Variants in CSTPP1 observed in about 807,000 individuals in gnomAD.
The protein encoded by CSTPP1 is UPF0705 protein C11orf49.
chr11:46,955,991 C>T, the CSTPP1 span, among the ~76,000 whole-genome samples: 1 of 149,092 alleles, frequency 6.7e-6, no homozygotes, highest in Admixed American at 6.6e-5. Context: ...CATCCACCCC[C>T]CCCCCCCCAC....
the CSTPP1 span, among the ~76,000 whole-genome samples, chr11:47,038,338 C>CT: frequency 4.4e-5 from 4 of 90,070 alleles, no homozygotes; most frequent in South Asian, 3.9e-4. Flanking sequence ...GCTGACCCCC[C>CT]ACCTCCCTCC....
chr11:46,965,203 C>A, the CSTPP1 span, among the ~76,000 whole-genome samples: 1 of 148,844 alleles, frequency 6.7e-6, no homozygotes, highest in African/African-American at 2.5e-5. Flanking sequence ...CAGCCTATAG[C>A]ATATTAACAC....
the CSTPP1 span, among the ~76,000 whole-genome samples, chr11:47,128,060 A>G: frequency 6.6e-6 from 1 of 152,050 alleles, no homozygotes; most frequent in African/African-American, 2.4e-5. Flanking sequence ...TATTTTTAGT[A>G]TAGACGAGGT....
the CSTPP1 span, among the ~76,000 whole-genome samples, chr11:47,004,185 TG>T: frequency 1.3e-5 from 2 of 151,188 alleles, no homozygotes; most frequent in African/African-American, 2.4e-5. Context: ...TTTTTGTTTT[TG>T]TTTTTTTTTT....
chr11:47,125,460 G>A, the CSTPP1 span, among the ~76,000 whole-genome samples: 6 of 152,122 alleles, frequency 3.9e-5, no homozygotes, highest in African/African-American at 1.4e-4. Context: ...CTCACCCTCA[G>A]TGAGTAACCC....
chr11:47,121,731 G>A, the CSTPP1 span, among the ~76,000 whole-genome samples: 1 of 152,060 alleles, frequency 6.6e-6, no homozygotes, highest in Admixed American at 6.6e-5. Flanking sequence ...CTGTTCCCAG[G>A]AGGAAACAAT....
the CSTPP1 span, among the ~76,000 whole-genome samples, chr11:47,020,233 T>C: frequency 6.6e-6 from 1 of 152,320 alleles, no homozygotes; most frequent in South Asian, 2.1e-4. Flanking sequence ...GATGGCTGCA[T>C]TTGAAATGAA....
At chr11:47,100,249 G>A in the CSTPP1 span, among the ~76,000 whole-genome samples, 1 of 152,100 alleles carries the variant, frequency 6.6e-6, no homozygotes, top group Admixed American at 6.5e-5. Flanking sequence ...TACAGCAAAG[G>A]AAGCCACTGG....
At chr11:47,117,877 C>CTTTTTTT in the CSTPP1 span, among the ~76,000 whole-genome samples, 1 of 66,366 alleles carries the variant, frequency 1.5e-5, no homozygotes, top group Non-Finnish European at 2.8e-5. Flanking sequence ...TATTTCTTTT[C>CTTTTTTT]TTTTTTTTTT....
chr11:46,999,891 T>C, the CSTPP1 span, among the ~76,000 whole-genome samples: 1 of 152,176 alleles, frequency 6.6e-6, no homozygotes, highest in African/African-American at 2.4e-5. Flanking sequence ...CACTCCTTGG[T>C]TGTTGGTGTT....
chr11:46,951,663 A>G, the CSTPP1 span, among the ~76,000 whole-genome samples: 2 of 152,068 alleles, frequency 1.3e-5, no homozygotes, highest in African/African-American at 4.8e-5. Flanking sequence ...AATTTATTAT[A>G]TTGTGCTATA....
the CSTPP1 span, among the ~76,000 whole-genome samples, chr11:46,990,991 T>C: frequency 9.9e-5 from 15 of 152,206 alleles, no homozygotes; most frequent in African/African-American, 3.6e-4. Flanking sequence ...TCTATGTTTC[T>C]GTTTTTGTAC....
the CSTPP1 span, chr11:47,161,529 C>T: frequency 6.2e-7 from 1 of 1,614,176 alleles, no homozygotes. Context: ...TGCCTGCCTT[C>T]CCGGACCCCT....
At chr11:47,014,210 G>C in the CSTPP1 span, among the ~76,000 whole-genome samples, 1 of 149,690 alleles carries the variant, frequency 6.7e-6, no homozygotes. Context: ...GAGAGAAAGA[G>C]AAAAAGAAAG....
chr11:47,011,140 T>C, the CSTPP1 span, among the ~76,000 whole-genome samples: 1 of 152,172 alleles, frequency 6.6e-6, no homozygotes, highest in East Asian at 1.9e-4. Flanking sequence ...TTTGAAACAT[T>C]TATCACCCAC....
At chr11:46,976,425 TAC>T in the CSTPP1 span, among the ~76,000 whole-genome samples, 8 of 140,904 alleles carry the variant, frequency 5.7e-5, no homozygotes, top group East Asian at 2.3e-4. Flanking sequence ...ACACACACAG[TAC>T]ACACACACAC....
At chr11:47,161,421 CAGG>C in the CSTPP1 span, 1 of 1,610,942 alleles carries the variant, frequency 6.2e-7, no homozygotes, top group Admixed American at 1.7e-5. Flanking sequence ...GCTCTCTGTA[CAGG>C]AGGCCTCTCG....
chr11:47,142,331 G>A, the CSTPP1 span, among the ~76,000 whole-genome samples: 2 of 151,626 alleles, frequency 1.3e-5, no homozygotes, highest in Non-Finnish European at 2.9e-5. Context: ...TATTTTCAAT[G>A]GCAAAGACTG....
At chr11:47,038,671 G>T in the CSTPP1 span, among the ~76,000 whole-genome samples, 1 of 123,302 alleles carries the variant, frequency 8.1e-6, no homozygotes, top group South Asian at 2.6e-4. Flanking sequence ...TGGCTGGCCG[G>T]GCGGGGGGCT....
Sources: gnomAD v4.1 joint callset for allele counts (sites outside exome capture counted in the v4.1 genomes callset) on GRCh38, gnomAD v4.1.1 for gene constraint, MANE v1.5 for transcripts, NCBI Gene and HGNC (gene_info 2026-07-23, HGNC 2026-07-21) for gene names.